TBCD: variants seen among roughly 807,000 people sequenced by gnomAD.
The protein encoded by TBCD is tubulin folding cofactor D.
A neutral mutation model predicts 169.3 loss-of-function variants in TBCD; 105 were observed. That is an observed-to-expected ratio of 0.62 (90% CI 0.53 to 0.73). TBCD has a LOEUF of 0.73. Ranked by LOEUF, TBCD falls within the 30% of genes least tolerant of loss-of-function variation. The pLI is 0.00. For missense variants in TBCD, 1,444 were observed against 1,600.1 expected (o/e 0.90, Z 1.66); for synonymous variants, 700 against 643.9 (o/e 1.09, Z -1.32).
At position 82,943,340 on chromosome 17, in the gene TBCD, C is replaced by G. The variant is rs762727775; in HGVS notation, c.*877C>G. 2 of 152,268 alleles carry G rather than the reference C, an allele frequency of 1.3e-5. No individual in the cohort carries two copies. The highest frequency in any genetic ancestry group is 3.4e-3 in the Middle Eastern group (1 of 294). 9.4% of individuals were successfully genotyped at this position (152,268 alleles called of 1,614,324 possible). ...TAAAAATTTCACTGTGGTAGCAACCCACACCCATCTCTGGGACCTGTGCTG... is the reference window on the plus strand; with the variant it reads ...TAAAAATTTCACTGTGGTAGCAACCGACACCCATCTCTGGGACCTGTGCTG... On this transcript the variant is annotated 3_prime_UTR_variant, in exon 39 of 39. Coordinates refer to ENST00000355528, the MANE Select transcript of TBCD (RefSeq NM_005993.5).
chr17:82,838,979 C>T (rs1026911271), intron 13 of TBCD: 12 of 985,220 alleles, frequency 1.2e-5, no homozygotes, highest in Non-Finnish European at 1.4e-5. Context: ...TGTTCTCCTC[C>T]AAATCAAGTT....
intron 14 of TBCD, among the ~76,000 whole-genome samples, chr17:82,877,154 G>A (rs920003970): frequency 1.3e-5 from 2 of 152,184 alleles, no homozygotes; most frequent in African/African-American, 2.4e-5. Context: ...AAAGATAGAA[G>A]CCTGTGTTCC....
chr17:82,790,612 C>G (rs567125863), intron 7 of TBCD, among the ~76,000 whole-genome samples: 2 of 152,316 alleles, frequency 1.3e-5, no homozygotes, highest in East Asian at 3.9e-4. Flanking sequence ...TGCTCAGTGG[C>G]CAGCCCGTGG....
Position 82,944,938 on chromosome 17 carries a change from C to CCCCTGAAGTGGCCTGAATTAATACTACCT in TBCD, c.*2476_*2504dup, listed in dbSNP as rs1247500332. 2 of 152,200 alleles carry CCCCTGAAGTGGCCTGAATTAATACTACCT rather than the reference C, an allele frequency of 1.3e-5. No individual in the cohort carries two copies. The highest frequency in any genetic ancestry group is 4.8e-5 in the African/African-American group (2 of 41,448). 9.4% of individuals were successfully genotyped at this position (152,200 alleles called of 1,614,324 possible). A position where few individuals can be genotyped will look rare whatever the true frequency, so the allele number is the denominator to read the frequency against. On this transcript the variant is annotated 3_prime_UTR_variant, in exon 39 of 39. Transcript: ENST00000355528. The stretch of plus-strand genomic sequence containing the variant: ...GCAAGACTCTTATCTCAATCTATCT[C>CCCCTGAAGTGGCCTGAATTAATACTACCT]CCCTGAAGTGGCCTGAATTAATACT...
intron 13 of TBCD, among the ~76,000 whole-genome samples, chr17:82,860,003 T>A (rs908008979): frequency 6.6e-6 from 1 of 152,218 alleles, no homozygotes; most frequent in Admixed American, 6.5e-5. Context: ...AGCTCCAGCA[T>A]GGCGTCCTCT....
chr17:82,794,820 G>A (rs1449760825), intron 7 of TBCD, among the ~76,000 whole-genome samples: 1 of 152,224 alleles, frequency 6.6e-6, no homozygotes, highest in African/African-American at 2.4e-5. Flanking sequence ...TTCTCTGTGT[G>A]TGCTGAATGC....
Position 82,926,390 on chromosome 17 carries a change from T to C in TBCD, c.2380-10T>C. ...TTATGGTTCTTCTGTGATTCTTTAT[T>C]GCTTTCCAGGTTCTCACAGGTTTAA... On this transcript the variant is annotated splice_polypyrimidine_tract_variant and intron_variant, in intron 27 of 38. Transcript: ENST00000355528. 1 of 1,613,460 alleles carries C rather than the reference T, an allele frequency of 6.2e-7. No individual in the cohort carries two copies. The highest frequency in any genetic ancestry group is 8.5e-7 in the Non-Finnish European group (1 of 1,179,388).
At position 82,884,607 on chromosome 17, in the gene TBCD, GC is replaced by G. The variant is rs892766231; in HGVS notation, c.1533+406del. ...GCTTTGAGCCTCGGGAGGGGCTGTT[GC>G]GAGCAGTGGTCAGCTCTGCTTCACC... On this transcript the variant is annotated intron_variant, in intron 15 of 38. Transcript: ENST00000355528. This position sits in a 1 kb window ranked among gnomAD's most constrained non-coding sequence, Gnocchi z 4.2. Among the ~76,000 whole-genome samples, 24 of 152,160 alleles carry G rather than the reference GC, an allele frequency of 1.6e-4. No homozygotes were observed. The highest frequency in any genetic ancestry group is 2.6e-4 in the Non-Finnish European group (18 of 68,024).
Position 82,927,343 on chromosome 17 carries a change from T to C in TBCD, c.2609+20T>C, listed in dbSNP as rs1055019119. On this transcript the variant is annotated intron_variant, in intron 29 of 38. Coordinates refer to ENST00000355528, the MANE Select transcript of TBCD (RefSeq NM_005993.5). ...CACCTGGTACGTACGTAGCAGTGGG[T>C]GAGCGCTTCTTCTGAGAAGCCCATC... The C allele has an allele frequency of 6.2e-7, 1 of 1,609,662 alleles. No individual in the cohort carries two copies. The highest frequency in any genetic ancestry group is 1.3e-5 in the African/African-American group (1 of 74,782).
rs556993548 is a variant in TBCD at position 82,942,688 on chromosome 17, A to G, written c.*225A>G. ...CTTGAACACAAATGTGCTTCCTATA[A>G]AATCATGTACCAAGAAGTTCCTGCC... On this transcript the variant is annotated 3_prime_UTR_variant, in exon 39 of 39. Transcript: ENST00000355528. The G allele has an allele frequency of 4.4e-5, 27 of 612,274 alleles. No individual in the cohort carries two copies. The South Asian group carries it at 5.1e-4, about 12-fold the overall frequency. 37.9% of individuals were successfully genotyped at this position (612,274 alleles called of 1,614,324 possible). A position where few individuals can be genotyped will look rare whatever the true frequency, so the allele number is the denominator to read the frequency against.
At chr17:82,758,817 G>T (rs886481618) in intron 2 of TBCD, among the ~76,000 whole-genome samples, 1 of 151,660 alleles carries the variant, frequency 6.6e-6, no homozygotes, top group Middle Eastern at 3.4e-3. Flanking sequence ...GTGCTACCAC[G>T]CCTGGCTAAT....
rs753233285 is a variant in TBCD, at chr17:82,889,635, G to C, written c.1534-33G>C. On this transcript the variant is annotated intron_variant, in intron 15 of 38. Transcript: ENST00000355528. The surrounding 1 kb of genome is among the most constrained non-coding windows in gnomAD (Gnocchi z 5.3). ...TCTGGTGTTGGCGGAAGCTGACCTC[G>C]CTCACCTGCTGTGTTTGTTCTTTGC... 9 of 1,613,792 alleles carry C rather than the reference G, an allele frequency of 5.6e-6. No individual in the cohort carries two copies. Among genetic ancestry groups the C allele is most frequent in the Non-Finnish European group, 7.6e-6 (9 of 1,179,834 alleles).
chr17:82,839,011 A>G, intron 13 of TBCD: 4 of 976,562 alleles, frequency 4.1e-6, no homozygotes, highest in Non-Finnish European at 4.9e-6. Context: ...TCATATAAGG[A>G]AAAAAACCCT....
intron 12 of TBCD, among the ~76,000 whole-genome samples, chr17:82,811,895 T>C (rs2051466483): frequency 6.6e-6 from 1 of 152,188 alleles, no homozygotes; most frequent in South Asian, 2.1e-4. Flanking sequence ...TTATATTAAC[T>C]GTAAGAACAC....
intron 13 of TBCD, among the ~76,000 whole-genome samples, chr17:82,856,650 T>C (rs561905288): frequency 2.0e-5 from 3 of 152,352 alleles, no homozygotes; most frequent in African/African-American, 7.2e-5. Context: ...TGAAGAATGC[T>C]TCTGTGAACG....
rs1222521326 is a variant in TBCD, at chr17:82,782,996, G to A, written c.771+1275G>A. On this transcript the variant is annotated intron_variant, in intron 7 of 38. Transcript: ENST00000355528. This position sits in a 1 kb window ranked among gnomAD's most constrained non-coding sequence, Gnocchi z 5.1. ...TCCTGTCCGCTGTGCCCTCCTGTCC[G>A]CGGCGTCGTCTTCCTGTCTGTGGTA... Among the ~76,000 whole-genome samples, 1 of 151,950 alleles carries A rather than the reference G, an allele frequency of 6.6e-6. No homozygotes were observed. The highest frequency in any genetic ancestry group is 1.5e-5 in the Non-Finnish European group (1 of 67,990).
chr17:82,805,501 G>T (rs1231873760), intron 9 of TBCD, among the ~76,000 whole-genome samples: 1 of 152,222 alleles, frequency 6.6e-6, no homozygotes, highest in Non-Finnish European at 1.5e-5. Flanking sequence ...GGCGGTGGCA[G>T]TGGTGGCCGT....
At chr17:82,780,259 C>T (rs1355376426) in intron 6 of TBCD, among the ~76,000 whole-genome samples, 3 of 152,216 alleles carry the variant, frequency 2.0e-5, no homozygotes, top group Non-Finnish European at 4.4e-5. Flanking sequence ...TGGCTTCCGT[C>T]CTCTCTCTAA....
At chr17:82,932,786 A>T in intron 34 of TBCD, 51 bp downstream of exon 34, 1 of 1,564,152 alleles carries the variant, frequency 6.4e-7, no homozygotes, top group South Asian at 1.1e-5. Flanking sequence ...TAAGTAGCTC[A>T]TGTATTAAAG....
Sources: gnomAD v4.1 joint callset for allele counts (sites outside exome capture counted in the v4.1 genomes callset) on GRCh38, gnomAD v4.1.1 for gene constraint, Gnocchi (gnomAD v3.1) non-coding constraint, MANE v1.5 for transcripts, NCBI Gene and HGNC (gene_info 2026-07-23, HGNC 2026-07-21) for gene names.